Variants in DMD observed in about 807,000 individuals in gnomAD.
DMD encodes dystrophin, also known as mutant dystrophin.
A neutral mutation model predicts 330.1 loss-of-function variants in DMD; 63 were observed. The observed-to-expected ratio is 0.19, with a 90% confidence interval of 0.16 to 0.24. The LOEUF is 0.24. DMD is among the 10% of genes least tolerant of loss of function. The pLI is 1.00. For missense variants in DMD, 3,344 were observed against 2,684.1 expected (o/e 1.25, Z -5.43); for synonymous variants, 1,223 against 959.8 (o/e 1.27, Z -5.07).
At chrX:32,102,169 T>G (rs1415106012) in intron 44 of DMD, 4 of 111,791 alleles carry the variant, frequency 3.6e-5, no homozygotes, top group Non-Finnish European at 7.5e-5. Context: ...TCTGACCAGA[T>G]GTGGCCCCTC....
At position 32,969,324 on chromosome X, in the gene DMD, T is replaced by C. The variant is rs769137420; in HGVS notation, c.93+50815A>G. ...AACATATAAATTAACAAAAATTCTC[T>C]CACGTGCTACCACATACATAGATAA... On this transcript the variant is annotated intron_variant, in intron 2 of 78. Transcript: ENST00000357033. Among the ~76,000 whole-genome samples the C allele has an allele frequency of 7.2e-4, 65 of 90,536 alleles. 14 individuals are homozygous for C. Among genetic ancestry groups the C allele is most frequent in the African/African-American group, 3.3e-3 (65 of 19,528 alleles). 78.6% of individuals were successfully genotyped at this position (90,536 alleles called of 115,157 possible).
intron 75 of DMD, 99 bp from the exon 76 acceptor site, chrX:31,146,513 C>T: frequency 2.2e-6 from 2 of 915,573 alleles, no homozygotes; most frequent in Admixed American, 2.6e-5. Context: ...TAAATTTTGA[C>T]CCTTCCTACT....
intron 17 of DMD, among the ~76,000 whole-genome samples, chrX:32,528,125 A>G (rs148516871): frequency 0.01 from 1,127 of 111,550 alleles, 19 homozygotes; most frequent in African/African-American, 0.035. Context: ...CCTGGCCACC[A>G]TGACGAAACC....
chrX:32,478,307 C>G (rs2041454112), intron 21 of DMD, among the ~76,000 whole-genome samples: 1 of 111,891 alleles, frequency 8.9e-6, no homozygotes, highest in Admixed American at 9.5e-5. Context: ...CATATACCTA[C>G]TTCGGCAAAA....
chrX:31,204,531 C>T (rs979895322), intron 66 of DMD, among the ~76,000 whole-genome samples: 3 of 112,280 alleles, frequency 2.7e-5, no homozygotes, highest in African/African-American at 9.7e-5. Flanking sequence ...AAAAATGTAC[C>T]ACAGTTGGGA....
chrX:33,017,008 G>T (rs1474489882), intron 2 of DMD, among the ~76,000 whole-genome samples: 1 of 111,793 alleles, frequency 8.9e-6, no homozygotes, highest in East Asian at 2.8e-4. Flanking sequence ...ATGGTTTTGT[G>T]TTTATGTGGA....
chrX:32,791,172 C>T (rs1286335175), intron 7 of DMD, among the ~76,000 whole-genome samples: 1 of 111,535 alleles, frequency 9.0e-6, no homozygotes, highest in Non-Finnish European at 1.9e-5. Flanking sequence ...CAATCTGTTG[C>T]ATCCACCACC....
At chrX:32,883,143 C>G (rs1468448701) in intron 2 of DMD, among the ~76,000 whole-genome samples, 1 of 112,002 alleles carries the variant, frequency 8.9e-6, no homozygotes, top group Non-Finnish European at 1.9e-5. Flanking sequence ...CCAATCCACA[C>G]TCTTAGTCAT....
chrX:32,461,879 C>A (rs1006885815), intron 25 of DMD, among the ~76,000 whole-genome samples: 2 of 110,494 alleles, frequency 1.8e-5, no homozygotes, highest in African/African-American at 6.6e-5. Context: ...GCTAGCTGAC[C>A]CAGGGACAGC....
chrX:33,001,024 C>T (rs1045413068), intron 2 of DMD, among the ~76,000 whole-genome samples: 3 of 111,330 alleles, frequency 2.7e-5, no homozygotes, highest in Admixed American at 9.6e-5. Context: ...TATAAATCTA[C>T]TGTGTGCCAG....
chrX:32,609,302 A>T (rs1030593760), intron 12 of DMD, among the ~76,000 whole-genome samples: 2 of 110,868 alleles, frequency 1.8e-5, no homozygotes, highest in Non-Finnish European at 3.8e-5. Flanking sequence ...AAATATTAAG[A>T]TAAGTTTTCC....
chrX:32,146,197 T>C (rs531607321), intron 44 of DMD, among the ~76,000 whole-genome samples: 2 of 112,450 alleles, frequency 1.8e-5, no homozygotes, highest in Middle Eastern at 4.6e-3. Flanking sequence ...TTTGTTACCA[T>C]AAGTTAATGA....
chrX:32,209,369 A>G (rs1426715521), intron 44 of DMD, among the ~76,000 whole-genome samples: 1 of 111,329 alleles, frequency 9.0e-6, no homozygotes, highest in Non-Finnish European at 1.9e-5. Context: ...AGATTGGGAC[A>G]TGGTGAGAAA....
intron 1 of DMD, among the ~76,000 whole-genome samples, chrX:33,305,326 CA>C (rs1295458979): frequency 9.6e-6 from 1 of 103,848 alleles, no homozygotes; most frequent in African/African-American, 3.5e-5. Context: ...GACAAAAAAC[CA>C]AACACCGCAT....
chrX:32,188,995 CCTT>C (rs1427236245), intron 44 of DMD, among the ~76,000 whole-genome samples: 36 of 110,569 alleles, frequency 3.3e-4, no homozygotes, highest in African/African-American at 1.1e-3. Flanking sequence ...TTTTATTCCT[CCTT>C]AATTTATACA....
chrX:32,699,141 A>C lies in DMD; in HGVS notation c.802T>G (p.Leu268Val), dbSNP rs1800264. The change falls in exon 8 of 79, where the codon TTA becomes GTA. Residue 268 changes from leucine (L) to valine (V), a missense_variant. Physicochemically the swap from Leu to Val is conservative, Grantham distance 32 (BLOSUM62 1). Transcript: ENST00000357033. ...TGAGAATAGTGCATTTGATGATGTA[A>C]CTGAAAATGTTCTTCTTTAGTCACT... ...PKVTKEEHFQ[L>V]HHQMHYSQQI... is the part of the protein sequence containing the mutation. 8.3e-7 allele frequency: 1 copy of C among 1,210,501 alleles called. No individual in the cohort carries two copies. Among genetic ancestry groups the C allele is most frequent in the South Asian group, 1.8e-5 (1 of 56,968 alleles).
At chrX:32,071,747 A>C (rs914256770) in intron 44 of DMD, among the ~76,000 whole-genome samples, 1 of 111,676 alleles carries the variant, frequency 9.0e-6, no homozygotes, top group Non-Finnish European at 1.9e-5. Context: ...GAAAAATAAA[A>C]TAATAAAAAC....
intron 2 of DMD, among the ~76,000 whole-genome samples, chrX:32,878,915 G>A (rs939215753): frequency 9.2e-6 from 1 of 108,334 alleles, no homozygotes; most frequent in African/African-American, 3.4e-5. Context: ...GGCTGAGGCA[G>A]GAGAGTTGCT....
intron 17 of DMD, among the ~76,000 whole-genome samples, chrX:32,532,728 G>A (rs1041470771): frequency 8.9e-6 from 1 of 112,001 alleles, no homozygotes; most frequent in Non-Finnish European, 1.9e-5. Context: ...ACTTTCTCAC[G>A]TGTGAGAGTA....
Sources: gnomAD v4.1 joint callset for allele counts (sites outside exome capture counted in the v4.1 genomes callset) on GRCh38, gnomAD v4.1.1 for gene constraint, MANE v1.5 for transcripts, NCBI Gene and HGNC (gene_info 2026-07-23, HGNC 2026-07-21) for gene names.